Variants in PRCD observed in about 807,000 individuals in gnomAD.
PRCD encodes photoreceptor disk component PRCD.
In PRCD, 12 loss-of-function variants were observed where a neutral mutation model predicts 10.1. The observed-to-expected ratio is 1.18, with a 90% confidence interval of 0.76 to 1.92. The LOEUF (loss-of-function observed/expected upper bound fraction) is 1.92, where lower values mean the gene tolerates loss of function less well. Among genes scored for constraint, PRCD ranks in the 40% most tolerant of loss-of-function variants. The probability of loss-of-function intolerance (pLI) is 0.00; values close to 1 mark genes in which losing one functional copy is unlikely to be tolerated. For synonymous variants in PRCD, 31 were observed against 26.2 expected (o/e 1.18, Z -0.56); for missense variants, 61 against 72.2 (o/e 0.84, Z 0.56).
downstream of PRCD, among the ~76,000 whole-genome samples, chr17:76,547,926 A>G (rs1308052674): frequency 6.6e-6 from 1 of 151,514 alleles, no homozygotes; most frequent in Non-Finnish European, 1.5e-5. Flanking sequence ...ACACACATAC[A>G]CATATACAAA....
At chr17:76,536,311 A>T (rs532213139), upstream of PRCD, among the ~76,000 whole-genome samples, 2 of 152,192 alleles carry the variant, frequency 1.3e-5, no homozygotes, top group African/African-American at 4.8e-5. Context: ...CAGGGAGAAG[A>T]AGCTGGAGAT....
rs779752886 is a variant in PRCD, at chr17:76,531,481, C to A, written n.45+3648C>A. The A allele has an allele frequency of 9.3e-6, 15 of 1,611,546 alleles. No homozygotes were observed. Among genetic ancestry groups the A allele is most frequent in the Admixed American group, 3.3e-5 (2 of 59,980 alleles). ...ATACCTTGAAGTACACCGGTTCCAC[C>A]TTGTGCTTGAGGGCGTGGGCTTTCC... On this transcript the variant is annotated intron_variant and non_coding_transcript_variant, in intron 1 of 4. Coordinates refer to the PRCD transcript ENST00000397633. The surrounding 1 kb of genome is among the most constrained non-coding windows in gnomAD (Gnocchi z 7.4).
chr17:76,528,531 G>A lies in PRCD; in HGVS notation n.45+698G>A. 7.8e-7 allele frequency: 1 copy of A among 1,277,888 alleles called. No individual in the cohort carries two copies. 79.2% of individuals were successfully genotyped at this position (1,277,888 alleles called of 1,614,324 possible). A position where few individuals can be genotyped will look rare whatever the true frequency, so the allele number is the denominator to read the frequency against. ...CGTCAAGGAGGGTCTTCAGAACTCG[G>A]CCTTCTGCTCGAGGTGCTGCCAGGG... On this transcript the variant is annotated intron_variant and non_coding_transcript_variant, in intron 1 of 4. Transcript: ENST00000397633. The surrounding 1 kb of genome is among the most constrained non-coding windows in gnomAD (Gnocchi z 5.8).
chr17:76,542,069 G>A (rs904948245), intron 2 of PRCD, among the ~76,000 whole-genome samples: 13 of 152,174 alleles, frequency 8.5e-5, no homozygotes, highest in African/African-American at 3.1e-4. Flanking sequence ...TTTGGTTAAT[G>A]GTTGTGGAAA....
At position 76,540,320 on chromosome 17, in the gene PRCD, C is replaced by T. The variant is rs2143143161; in HGVS notation, c.74+105C>T. The T allele has an allele frequency of 1.1e-5, 15 of 1,383,262 alleles. 1 individual carries two copies. Among genetic ancestry groups the T allele is most frequent in the South Asian group, 7.4e-5 (6 of 81,036 alleles). The allele number at this position is 1,383,262 out of a possible 1,614,324, so 85.7% of individuals were successfully genotyped here. A position where few individuals can be genotyped will look rare whatever the true frequency, so the allele number is the denominator to read the frequency against. ...GGGCAGGGGCTGCGTGAACCTTCAG[C>T]GGGGCTGGGAGGGCATTTTGAGGAA... is the stretch of plus-strand genomic sequence containing the variant. On this transcript the variant is annotated intron_variant, in intron 1 of 4. Transcript: ENST00000592014. This position sits in a 1 kb window ranked among gnomAD's most constrained non-coding sequence, Gnocchi z 5.0.
At chr17:76,541,224 G>GA (rs528124716) in intron 2 of PRCD, among the ~76,000 whole-genome samples, 50 of 152,298 alleles carry the variant, frequency 3.3e-4, no homozygotes, top group Non-Finnish European at 5.4e-4. Context: ...CCAAACACTG[G>GA]AAAAAATCAG....
chr17:76,552,441 C>T (rs1280264764), intron 1 of PRCD, among the ~76,000 whole-genome samples: 6 of 152,006 alleles, frequency 3.9e-5, no homozygotes, highest in Non-Finnish European at 8.8e-5. Context: ...CCTCGTGATC[C>T]ACCCTCCTCG....
In PRCD at chr17:76,530,933, G is replaced by A. The variant is rs2074829673; in HGVS notation, n.45+3100G>A. 3.3e-6 allele frequency: 5 copies of A among 1,530,756 alleles called. No homozygotes were observed. In the South Asian group the frequency reaches 6.2e-5, roughly 19 times the overall value. The allele number at this position is 1,530,756 out of a possible 1,614,324, so 94.8% of individuals were successfully genotyped here. A position where few individuals can be genotyped will look rare whatever the true frequency, so the allele number is the denominator to read the frequency against. The stretch of plus-strand genomic sequence containing the variant: ...ATGGGAGACCTCGGGGACAGCAGAG[G>A]ACATGGCGGGGAGGCTGCCCAGCCC... On this transcript the variant is annotated intron_variant and non_coding_transcript_variant, in intron 1 of 4. Coordinates refer to the PRCD transcript ENST00000397633. The surrounding 1 kb of genome is among the most constrained non-coding windows in gnomAD (Gnocchi z 6.1).
intron 2 of PRCD, 62 bp from the exon 3 acceptor site, chr17:76,542,491 G>A (rs1433920850): frequency 8.1e-6 from 13 of 1,596,156 alleles, no homozygotes; most frequent in Non-Finnish European, 1.1e-5. Context: ...AGGAAGAGGA[G>A]AGTCAGAAAC....
rs1567911205 is a variant in PRCD, at chr17:76,540,512, A to G, written c.82A>G (p.Ser28Gly). The change falls in exon 2 of 5, where the codon AGC (serine) becomes GGC (glycine). Residue 28 changes from serine to glycine, a missense_variant. Transcript: ENST00000592014. This position sits in a 1 kb window ranked among gnomAD's most constrained non-coding sequence, Gnocchi z 5.0. ...TACTCTTGCCTCCCACAGAGAGCCC[A>G]GCGACGTGGATGGGGCAGCTAGGGG... Reference protein sequence around the residue: ...RFANRVQPEPSDVDGAARGSS... With the variant: ...RFANRVQPEPGDVDGAARGSS... The G allele has an allele frequency of 6.2e-7, 1 of 1,613,474 alleles. No individual in the cohort carries two copies. Among genetic ancestry groups the G allele is most frequent in the Non-Finnish European group, 8.5e-7 (1 of 1,179,854 alleles).
In PRCD at chr17:76,530,801, C is replaced by T. The variant is rs1049556027; in HGVS notation, n.45+2968C>T. 2.6e-5 allele frequency among the ~76,000 whole-genome samples: 4 copies of T among 152,044 alleles called. No individual in the cohort carries two copies. Among genetic ancestry groups the T allele is most frequent in the African/African-American group, 9.7e-5 (4 of 41,352 alleles). ...GAGCAGCCTGAAGTCACAGGGGAGCCATCTTGAAGGCCTTTCCTATTATGC... is the reference window on the plus strand; with the variant it reads ...GAGCAGCCTGAAGTCACAGGGGAGCTATCTTGAAGGCCTTTCCTATTATGC... On this transcript the variant is annotated intron_variant and non_coding_transcript_variant, in intron 1 of 4. Transcript: ENST00000397633. The surrounding 1 kb of genome is among the most constrained non-coding windows in gnomAD (Gnocchi z 6.1).
In PRCD at chr17:76,531,516, C is replaced by G; in HGVS notation, n.45+3683C>G. 1 of 1,613,972 alleles carries G rather than the reference C, an allele frequency of 6.2e-7. No individual in the cohort carries two copies. The highest frequency in any genetic ancestry group is 8.5e-7 in the Non-Finnish European group (1 of 1,179,824). On this transcript the variant is annotated intron_variant and non_coding_transcript_variant, in intron 1 of 4. Coordinates refer to the PRCD transcript ENST00000397633. This position sits in a 1 kb window ranked among gnomAD's most constrained non-coding sequence, Gnocchi z 7.4. ...AGGGCGTGGGCTTTCCCCACAAGGG[C>G]GAGCACAGAGGACACCTTGTCGGGG... is the stretch of plus-strand genomic sequence containing the variant.
At position 76,540,357 on chromosome 17, in the gene PRCD, GCA is replaced by G. The variant is rs1040410887; in HGVS notation, c.74+145_75-144del. 2.1e-4 allele frequency: 269 copies of G among 1,281,012 alleles called. No individual in the cohort carries two copies. Among genetic ancestry groups the G allele is most frequent in the East Asian group, 9.7e-5 (4 of 41,062 alleles). The allele number at this position is 1,281,012 out of a possible 1,614,324, so 79.4% of individuals were successfully genotyped here. On this transcript the variant is annotated intron_variant, in intron 1 of 4. Transcript: ENST00000592014. This position sits in a 1 kb window ranked among gnomAD's most constrained non-coding sequence, Gnocchi z 5.0. ...GGCATTTTGAGGAACCCTTGAGAGA[GCA>G]CAGTCTCAGAGCAGGGGGACTTAGA...
intron 4 of PRCD, chr17:76,543,479 C>T (rs2075015937): frequency 5.8e-6 from 2 of 344,674 alleles, no homozygotes; most frequent in African/African-American, 4.3e-5. Flanking sequence ...CTTCAGTCAC[C>T]CACAGAGCCT....
At position 76,542,654 on chromosome 17, in the gene PRCD, G is replaced by A. The variant is rs369916286; in HGVS notation, c.*59+21G>A. On this transcript the variant is annotated intron_variant, in intron 3 of 4. Coordinates refer to ENST00000592014, the MANE Select transcript of PRCD (RefSeq NM_001077620.3). The stretch of plus-strand genomic sequence containing the variant: ...GGCAGGTAGGGCAGGGCTGGGAGCC[G>A]GGGAGGGCAGAGGGCAAGGCTTGGG... 122 of 1,520,470 alleles carry A rather than the reference G, an allele frequency of 8.0e-5. 2 individuals are homozygous for A. The highest frequency in any genetic ancestry group is 6.9e-4 in the Middle Eastern group (4 of 5,808). The allele number at this position is 1,520,470 out of a possible 1,614,324, so 94.2% of individuals were successfully genotyped here.
At chr17:76,536,282 C>T (rs1480027860), upstream of PRCD, among the ~76,000 whole-genome samples, 2 of 152,112 alleles carry the variant, frequency 1.3e-5, no homozygotes, top group East Asian at 3.8e-4. Flanking sequence ...TGGGTCGGTC[C>T]CAGGCTTGGG....
chr17:76,537,335 C>G, upstream of PRCD: 2 of 1,475,434 alleles, frequency 1.4e-6, no homozygotes, highest in Non-Finnish European at 1.8e-6. Flanking sequence ...GGGCCCAGCC[C>G]TCCTCTGCCC....
intron 1 of PRCD, chr17:76,529,886 C>G: frequency 1.0e-6 from 1 of 985,234 alleles, no homozygotes; most frequent in Non-Finnish European, 1.2e-6. Context: ...GAGGACTCCA[C>G]TCTCTTGGGG....
chr17:76,531,943 C>T lies in PRCD; in HGVS notation n.45+4110C>T. On this transcript the variant is annotated intron_variant and non_coding_transcript_variant, in intron 1 of 4. Transcript: ENST00000397633. This position sits in a 1 kb window ranked among gnomAD's most constrained non-coding sequence, Gnocchi z 7.4. ...GCTGGCGGCTTCATCTCCTAGGCCT[C>T]TGTCTTCCTCGCTTCTTGCTTCCTT... The T allele has an allele frequency of 2.4e-6, 1 of 414,050 alleles. No individual in the cohort carries two copies. The highest frequency in any genetic ancestry group is 4.4e-6 in the Non-Finnish European group (1 of 227,264). 25.6% of individuals were successfully genotyped at this position (414,050 alleles called of 1,614,324 possible).
Sources: allele counts gnomAD v4.1 joint callset (sites outside exome capture counted in the v4.1 genomes callset), GRCh38; gene constraint gnomAD v4.1.1; non-coding constraint Gnocchi (gnomAD v3.1); transcripts MANE v1.5; gene names NCBI Gene and HGNC (gene_info 2026-07-23, HGNC 2026-07-21).